TMEM254: variants seen among roughly 807,000 people sequenced by gnomAD.
TMEM254 encodes the protein transmembrane protein C10orf57.
A neutral mutation model predicts 13.9 loss-of-function variants in TMEM254; 16 were observed. That is an observed-to-expected ratio of 1.15 (90% CI 0.78 to 1.75). TMEM254 has a LOEUF of 1.75. TMEM254 is among the 40% of genes most tolerant of loss of function. The pLI is 0.00. For synonymous variants in TMEM254, 61 were observed against 56.4 expected (o/e 1.08, Z -0.36); for missense variants, 155 against 149.0 (o/e 1.04, Z -0.21).
Position 80,092,077 on chromosome 10 carries a change from G to A in TMEM254, c.*1160G>A, listed in dbSNP as rs1306641611. 7 of 152,160 alleles carry A rather than the reference G, an allele frequency of 4.6e-5. No individual in the cohort carries two copies. The allele number at this position is 152,160 out of a possible 1,614,324, so 9.4% of individuals were successfully genotyped here. ...AGTTATACTTTATTATTGCTCACAG[G>A]CTGGGGAGGCAGAATGACTCTGTCA... On this transcript the variant is annotated 3_prime_UTR_variant, in exon 4 of 4. Coordinates refer to ENST00000372281, the MANE Select transcript of TMEM254 (RefSeq NM_025125.4).
intron 3 of TMEM254, among the ~76,000 whole-genome samples, chr10:80,087,157 G>A (rs376408825): frequency 5.3e-5 from 8 of 152,194 alleles, no homozygotes; most frequent in African/African-American, 1.9e-4. Flanking sequence ...ATTAATAACA[G>A]TGCATAGTAT....
Position 80,082,078 on chromosome 10 carries a change from G to A in TMEM254, c.192-67G>A, listed in dbSNP as rs1844064334. 4.4e-6 allele frequency: 7 copies of A among 1,592,556 alleles called. 1 individual carries two copies. In the Admixed American group the frequency reaches 1.2e-4, roughly 27 times the overall value. On this transcript the variant is annotated intron_variant, in intron 2 of 3. Coordinates refer to ENST00000372281, the MANE Select transcript of TMEM254 (RefSeq NM_025125.4). ...TTAAGGCACTTTTCTTTTTGAGATT[G>A]CTGTGTTAGATTTCATCAGCAGATA...
chr10:80,078,928 G>T, intron 1 of TMEM254, 142 bp downstream of exon 1: 1 of 1,521,000 alleles, frequency 6.6e-7, no homozygotes, highest in Non-Finnish European at 8.9e-7. Context: ...CGGAGGGGAG[G>T]GGACCAGACT....
At position 80,091,893 on chromosome 10, in the gene TMEM254, G is replaced by A. The variant is rs112612949; in HGVS notation, c.*976G>A. 6 of 152,112 alleles carry A rather than the reference G, an allele frequency of 3.9e-5. No homozygotes were observed. Among genetic ancestry groups the A allele is most frequent in the South Asian group, 4.1e-4 (2 of 4,824 alleles). The allele number at this position is 152,112 out of a possible 1,614,324, so 9.4% of individuals were successfully genotyped here. A position where few individuals can be genotyped will look rare whatever the true frequency, so the allele number is the denominator to read the frequency against. On this transcript the variant is annotated 3_prime_UTR_variant, in exon 4 of 4. Transcript: ENST00000372281. ...CTGGTACCACCTTTTTTGTGGTTTC[G>A]TTGGTGAGAAACCTTTATCTTTTTC...
At chr10:80,090,649 TC>T in intron 3 of TMEM254, 147 bp from the exon 4 acceptor site, 1 of 718,824 alleles carries the variant, frequency 1.4e-6, no homozygotes, top group Non-Finnish European at 2.3e-6. Context: ...AAATGAACCA[TC>T]CAAGATAAGC....
chr10:80,086,632 G>A (rs553277819), intron 3 of TMEM254, among the ~76,000 whole-genome samples: 1 of 152,086 alleles, frequency 6.6e-6, no homozygotes, highest in East Asian at 1.9e-4. Context: ...CACCAGGTAA[G>A]GAGTTTGAGA....
Position 80,091,050 on chromosome 10 carries a change from C to A in TMEM254, c.*133C>A. 1.7e-6 allele frequency: 2 copies of A among 1,180,192 alleles called. No homozygotes were observed. The highest frequency in any genetic ancestry group is 1.2e-6 in the Non-Finnish European group (1 of 853,846). 73.1% of individuals were successfully genotyped at this position (1,180,192 alleles called of 1,614,324 possible). A position where few individuals can be genotyped will look rare whatever the true frequency, so the allele number is the denominator to read the frequency against. ...CTGTCCTTCAAAGCTCTTTAAGACC[C>A]CCTCGTTAGTCAGTTTTTTCTCTTA... On this transcript the variant is annotated 3_prime_UTR_variant, in exon 4 of 4. Transcript: ENST00000372281.
intron 3 of TMEM254, among the ~76,000 whole-genome samples, chr10:80,089,769 C>G (rs1404665982): frequency 6.6e-6 from 1 of 151,674 alleles, no homozygotes; most frequent in Non-Finnish European, 1.5e-5. Context: ...TTTGGGAGGC[C>G]GAGGTGGGTG....
At chr10:80,083,776 G>A (rs1432864109) in intron 3 of TMEM254, among the ~76,000 whole-genome samples, 1 of 152,042 alleles carries the variant, frequency 6.6e-6, no homozygotes, top group African/African-American at 2.4e-5. Context: ...ACAAGGCTCA[G>A]CCTTAAATAG....
At chr10:80,079,215 C>T in intron 1 of TMEM254, 1 of 1,272,730 alleles carries the variant, frequency 7.9e-7, no homozygotes, top group South Asian at 1.3e-5. Context: ...GGGCGGGCCT[C>T]TGTTTTGGCC....
At chr10:80,084,274 C>T (rs572185090) in intron 3 of TMEM254, among the ~76,000 whole-genome samples, 7 of 152,132 alleles carry the variant, frequency 4.6e-5, no homozygotes, top group Admixed American at 4.6e-4. Flanking sequence ...TCAGACACCC[C>T]CTCCAGCATG....
chr10:80,079,428 A>C, intron 1 of TMEM254: 1 of 1,074,086 alleles, frequency 9.3e-7, no homozygotes, highest in African/African-American at 1.7e-5. Flanking sequence ...CACGAAGCGG[A>C]AAGTCAAGTT....
At chr10:80,079,363 C>G (rs1843843580) in intron 1 of TMEM254, 1 of 1,175,920 alleles carries the variant, frequency 8.5e-7, no homozygotes, top group Admixed American at 3.9e-5. Flanking sequence ...GTGTTCCTGT[C>G]TTTGGGTCCT....
chr10:80,078,977 G>T, intron 1 of TMEM254, 191 bp downstream of exon 1: 1 of 1,540,114 alleles, frequency 6.5e-7, no homozygotes, highest in Non-Finnish European at 8.8e-7. Context: ...CCAGGGTCTT[G>T]GGCGGGCGCC....
chr10:80,092,270 A>G lies in TMEM254; in HGVS notation c.*1353A>G, dbSNP rs1270452082. On this transcript the variant is annotated 3_prime_UTR_variant, in exon 4 of 4. Transcript: ENST00000372281. ...AAACGGAGCCCCCAAGTAAAGCACA[A>G]CCCTGAAAGATTATGAACTATGAAT... 3 of 152,210 alleles carry G rather than the reference A, an allele frequency of 2.0e-5. No homozygotes were observed. Among genetic ancestry groups the G allele is most frequent in the African/African-American group, 7.2e-5 (3 of 41,450 alleles). 9.4% of individuals were successfully genotyped at this position (152,210 alleles called of 1,614,324 possible). A position where few individuals can be genotyped will look rare whatever the true frequency, so the allele number is the denominator to read the frequency against.
rs971631939 is a variant in TMEM254, at chr10:80,085,287, C to T, written c.251+3083C>T. ...TTTGAATTATGAGATGAGTTGGGTA[C>T]GGTGGCTCATGCCTGTAATCTCAGC... On this transcript the variant is annotated intron_variant, in intron 3 of 3. Coordinates refer to ENST00000372281, the MANE Select transcript of TMEM254 (RefSeq NM_025125.4). 1.9e-4 allele frequency among the ~76,000 whole-genome samples: 29 copies of T among 151,844 alleles called. 1 individual carries two copies. The highest frequency in any genetic ancestry group is 1.2e-4 in the African/African-American group (5 of 41,354).
At position 80,078,677 on chromosome 10, in the gene TMEM254, G is replaced by A; in HGVS notation, c.-23G>A. 6.3e-7 allele frequency: 1 copy of A among 1,579,090 alleles called. No homozygotes were observed. The highest frequency in any genetic ancestry group is 2.3e-5 in the East Asian group (1 of 43,142). ...CGCGCTCGACGGTGTCCTGAAGCGC[G>A]CTCCCGGGGAGGTGTTGCAGCCATG... On this transcript the variant is annotated 5_prime_UTR_variant, in exon 1 of 4. Transcript: ENST00000372281.
intron 1 of TMEM254, 36 bp from the exon 2 acceptor site, chr10:80,081,805 C>T (rs201369597): frequency 3.1e-6 from 5 of 1,613,460 alleles, no homozygotes; most frequent in Admixed American, 3.3e-5. Flanking sequence ...TTTTAAGTGA[C>T]CTAATAGGTA....
intron 3 of TMEM254, among the ~76,000 whole-genome samples, chr10:80,082,484 C>G (rs1451360916): frequency 6.6e-6 from 1 of 152,122 alleles, no homozygotes; most frequent in Non-Finnish European, 1.5e-5. Context: ...CCAACTAGAT[C>G]AAAAGACTAG....
Sources: allele counts gnomAD v4.1 joint callset (sites outside exome capture counted in the v4.1 genomes callset), GRCh38; gene constraint gnomAD v4.1.1; transcripts MANE v1.5; gene names NCBI Gene and HGNC (gene_info 2026-07-23, HGNC 2026-07-21).